FMN2: variants seen among roughly 807,000 people sequenced by gnomAD.
FMN2 encodes the protein formin-2.
In FMN2, 51 loss-of-function variants were observed where a neutral mutation model predicts 142.3. That is an observed-to-expected ratio of 0.36 (90% CI 0.29 to 0.45). The LOEUF (loss-of-function observed/expected upper bound fraction) is 0.45. Among genes scored for constraint, FMN2 ranks in the 20% least tolerant of loss-of-function variants. FMN2 has a pLI of 1.00. For missense variants in FMN2, 1,936 were observed against 2,122.8 expected (o/e 0.91, Z 1.73); for synonymous variants, 882 against 869.8 (o/e 1.01, Z -0.25).
At chr1:240,437,311 T>TTTTTTTTA (rs1675416277) in intron 15 of FMN2, among the ~76,000 whole-genome samples, 1 of 138,162 alleles carries the variant, frequency 7.2e-6, no homozygotes, top group African/African-American at 3.2e-5. Context: ...TTTTTTTTTT[T>TTTTTTTTA]GAGACGGAGT....
At chr1:240,202,535 T>C (rs1666164426) in intron 4 of FMN2, among the ~76,000 whole-genome samples, 1 of 152,204 alleles carries the variant, frequency 6.6e-6, no homozygotes, top group Admixed American at 6.5e-5. Context: ...AGTCTCACTC[T>C]GTCTCCCAGG....
chr1:240,468,240 ACACACACATATATACATATG>A (rs1676690128), intron 16 of FMN2, among the ~76,000 whole-genome samples: 2 of 82,326 alleles, frequency 2.4e-5, no homozygotes, highest in Non-Finnish European at 4.7e-5. Context: ...GTGTATTCAC[ACACACACATATATACATATG>A]CACACACACA....
At position 240,180,526 on chromosome 1, in the gene FMN2, T is replaced by C. The variant is rs151137141; in HGVS notation, c.1930+2458T>C. On this transcript the variant is annotated intron_variant, in intron 3 of 17. Coordinates refer to ENST00000319653, the MANE Select transcript of FMN2 (RefSeq NM_020066.5). Reference sequence around the variant, plus strand: ...CTGATAGGTGCACATTCTTCTGTAGTGACATCTTGGTTAAATCCACTGTAT... The same window carrying C: ...CTGATAGGTGCACATTCTTCTGTAGCGACATCTTGGTTAAATCCACTGTAT... Among the ~76,000 whole-genome samples the C allele has an allele frequency of 3.8e-3, 579 of 151,698 alleles. 6 individuals are homozygous for C. The highest frequency in any genetic ancestry group is 0.014 in the African/African-American group (561 of 41,336).
In FMN2 at chr1:240,091,992, G is replaced by A; in HGVS notation, c.-118G>A. ...CGCGCGTCGGCCTCCCCTCCCAGCG[G>A]CTCCCCCCGCCGCCGCCTGACTCTC... On this transcript the variant is annotated 5_prime_UTR_variant, in exon 1 of 18. Coordinates refer to ENST00000319653, the MANE Select transcript of FMN2 (RefSeq NM_020066.5). 8.0e-6 allele frequency: 11 copies of A among 1,378,056 alleles called. No individual in the cohort carries two copies. Among genetic ancestry groups the A allele is most frequent in the Non-Finnish European group, 9.3e-6 (10 of 1,074,212 alleles). 85.4% of individuals were successfully genotyped at this position (1,378,056 alleles called of 1,614,324 possible). A position where few individuals can be genotyped will look rare whatever the true frequency, so the allele number is the denominator to read the frequency against.
At chr1:240,188,580 T>C (rs1357406244) in intron 4 of FMN2, among the ~76,000 whole-genome samples, 5 of 152,182 alleles carry the variant, frequency 3.3e-5, no homozygotes, top group Admixed American at 2.6e-4. Context: ...GTCTGCGAGA[T>C]GTGCCTGCTC....
chr1:240,438,175 C>G lies in FMN2; in HGVS notation c.5025C>G (p.Phe1675Leu). The change falls in exon 16 of 18, where the codon TTC (phenylalanine) becomes TTG (leucine). Residue 1675 changes from phenylalanine to leucine, a missense_variant. Transcript: ENST00000319653. Reference sequence around the variant, plus strand: ...AATTCAGCTCTGACTTTAAAGACTTCTGGAAGAAAGAGAACAAACTTCTTC... The same window carrying G: ...AATTCAGCTCTGACTTTAAAGACTTGTGGAAGAAAGAGAACAAACTTCTTC... ...WHEFSSDFKD[F>L]WKKENKLLLQ... is the part of the protein sequence containing the mutation. The G allele has an allele frequency of 6.2e-7, 1 of 1,613,844 alleles. No individual in the cohort carries two copies. The highest frequency in any genetic ancestry group is 8.5e-7 in the Non-Finnish European group (1 of 1,179,920).
chr1:240,423,724 G>A (rs1453658051), intron 15 of FMN2, among the ~76,000 whole-genome samples: 4 of 152,276 alleles, frequency 2.6e-5, no homozygotes, highest in Admixed American at 6.5e-5. Flanking sequence ...TTGCTGACTC[G>A]CCAAAAGGCC....
chr1:240,403,967 A>G (rs1407113383), intron 15 of FMN2, among the ~76,000 whole-genome samples: 1 of 152,224 alleles, frequency 6.6e-6, no homozygotes, highest in African/African-American at 2.4e-5. Context: ...AGAACTTTAA[A>G]TCACACATTT....
At chr1:240,236,660 A>G (rs1667723026) in intron 6 of FMN2, among the ~76,000 whole-genome samples, 1 of 152,152 alleles carries the variant, frequency 6.6e-6, no homozygotes, top group African/African-American at 2.4e-5. Flanking sequence ...AGGAAGCAAG[A>G]GAAAGAGGAG....
At chr1:240,142,501 T>TTATTTATTTATATA (rs1164646678) in intron 2 of FMN2, among the ~76,000 whole-genome samples, 4,496 of 78,540 alleles carry the variant, frequency 0.057, 125 homozygotes, top group African/African-American at 0.16. Context: ...TTATTTATAT[T>TTATTTATTTATATA]TTTTGGGGGG....
In FMN2 at chr1:240,143,377, G is replaced by A. The variant is rs193084871; in HGVS notation, c.1782+20032G>A. 789 of 1,436,102 alleles carry A rather than the reference G, an allele frequency of 5.5e-4. 7 individuals carry two copies. The East Asian group carries it at 0.015, about 27-fold the overall frequency. 89.0% of individuals were successfully genotyped at this position (1,436,102 alleles called of 1,614,324 possible). On this transcript the variant is annotated intron_variant, in intron 2 of 17. Transcript: ENST00000319653. ...CAAGTGGCCAAAGGTTCATAGTGCC[G>A]TCTCTGCACCAATCTCCCCCACAGC...
At chr1:240,300,544 C>T (rs1670160274) in intron 8 of FMN2, among the ~76,000 whole-genome samples, 3 of 152,184 alleles carry the variant, frequency 2.0e-5, no homozygotes, top group African/African-American at 4.8e-5. Flanking sequence ...GAGCTCTTCT[C>T]ACTTTGTACT....
chr1:240,152,290 A>G (rs1195111696), intron 2 of FMN2, among the ~76,000 whole-genome samples: 1 of 147,104 alleles, frequency 6.8e-6, no homozygotes, highest in East Asian at 2.0e-4. Context: ...GACCCTTTTG[A>G]TACTCCGAGC....
intron 8 of FMN2, among the ~76,000 whole-genome samples, chr1:240,326,969 T>G (rs1328981474): frequency 6.6e-6 from 1 of 152,162 alleles, no homozygotes; most frequent in Admixed American, 6.5e-5. Flanking sequence ...GGTATTGTCA[T>G]TTTTAAAAGT....
chr1:240,182,904 C>G (rs938968877), intron 3 of FMN2, among the ~76,000 whole-genome samples: 1 of 148,418 alleles, frequency 6.7e-6, no homozygotes, highest in African/African-American at 2.5e-5. Context: ...CAATACAACT[C>G]ATTTCTTTTC....
chr1:240,156,719 G>C (rs1472558662), intron 2 of FMN2, among the ~76,000 whole-genome samples: 1 of 152,138 alleles, frequency 6.6e-6, no homozygotes, highest in Non-Finnish European at 1.5e-5. Context: ...AAGTAGAAAA[G>C]GTTTGTCAGG....
At chr1:240,264,377 A>G (rs1284881493) in intron 7 of FMN2, among the ~76,000 whole-genome samples, 1 of 152,070 alleles carries the variant, frequency 6.6e-6, no homozygotes, top group African/African-American at 2.4e-5. Context: ...AAATTTGTTT[A>G]TTTATTTTTA....
At chr1:240,143,438 G>A in intron 2 of FMN2, 3 of 1,446,554 alleles carry the variant, frequency 2.1e-6, no homozygotes, top group African/African-American at 2.8e-5. Context: ...ACTCCCTGAT[G>A]TGCTCCCATG....
intron 4 of FMN2, among the ~76,000 whole-genome samples, chr1:240,192,587 A>G (rs1665741918): frequency 6.6e-6 from 1 of 152,204 alleles, no homozygotes; most frequent in Non-Finnish European, 1.5e-5. Flanking sequence ...CTTAAAGGAG[A>G]TAGAGAGAGA....
Sources: allele counts gnomAD v4.1 joint callset (sites outside exome capture counted in the v4.1 genomes callset), GRCh38; gene constraint gnomAD v4.1.1; transcripts MANE v1.5; gene names NCBI Gene and HGNC (gene_info 2026-07-23, HGNC 2026-07-21).